The following KIF5A variants were observed in gnomAD, a reference collection of about 807,000 sequenced individuals.
KIF5A encodes the protein kinesin family member 5A, also known as kinesin heavy chain isoform 5A.
Under a neutral mutation model 141.3 loss-of-function variants are expected in KIF5A, and 35 were observed. That is an observed-to-expected ratio of 0.25 (90% CI 0.19 to 0.33). KIF5A has a LOEUF of 0.33. Among genes scored for constraint, KIF5A ranks in the 10% least tolerant of loss-of-function variants. KIF5A has a pLI of 1.00. For missense variants in KIF5A, 861 were observed against 1,314.3 expected, an observed-to-expected ratio of 0.66 and a Z score of 5.33; for synonymous variants, 448 against 500.2, an observed-to-expected ratio of 0.90 and a Z score of 1.39.
chr12:57,557,542 G>A (rs1223803038), intron 1 of KIF5A, among the ~76,000 whole-genome samples: 1 of 151,838 alleles, frequency 6.6e-6, no homozygotes, highest in African/African-American at 2.4e-5. Flanking sequence ...ATAATAATTT[G>A]ATGTATTTTT....
chr12:57,567,642 G>A, intron 8 of KIF5A, 24 bp downstream of exon 8: 2 of 1,603,868 alleles, frequency 1.2e-6, no homozygotes, highest in Non-Finnish European at 1.7e-6. Context: ...TGGATATGGG[G>A]TGGGTGGAAG....
chr12:57,563,720 G>A (rs757817407), intron 3 of KIF5A, 27 bp downstream of exon 3: 1 of 1,590,920 alleles, frequency 6.3e-7, no homozygotes, highest in South Asian at 1.1e-5. Context: ...TGGTGGTTGA[G>A]GGGCTAGGAG....
intron 1 of KIF5A, among the ~76,000 whole-genome samples, chr12:57,559,233 G>A (rs762924748): frequency 4.6e-5 from 7 of 152,124 alleles, no homozygotes; most frequent in South Asian, 2.1e-4. Context: ...TAAATTTTTC[G>A]AAGTGGAGGT....
chr12:57,553,839 GAGA>G (rs1272606703), intron 1 of KIF5A, among the ~76,000 whole-genome samples: 1 of 152,188 alleles, frequency 6.6e-6, no homozygotes, highest in African/African-American at 2.4e-5. Context: ...AGGCCCTTCA[GAGA>G]AGGCTATAAG....
At chr12:57,575,352 A>G in intron 16 of KIF5A, 80 bp downstream of exon 16, 5 of 1,403,318 alleles carry the variant, frequency 3.6e-6, no homozygotes, top group Non-Finnish European at 5.0e-6. Context: ...AACTCCTAAC[A>G]CCCACCTTTA....
rs1002863375 is a variant in KIF5A at position 57,572,225 on chromosome 12, C to A, written c.1527C>A (p.Ser509Arg). The change falls in exon 14 of 29, where the codon AGC becomes AGA. Residue 509 changes from serine to arginine, a missense_variant. Transcript: ENST00000455537. This position sits in a 1 kb window ranked among gnomAD's most constrained non-coding sequence, Gnocchi z 4.2. Reference protein sequence around the residue: ...DQKSQEVEEKSQQNQLLVDEL... With the variant: ...DQKSQEVEEKRQQNQLLVDEL... ...AGTCCCAGGAGGTGGAGGAGAAGAG[C>A]CAGCAGAACCAGCTTCTGGTGGATG... The A allele has an allele frequency of 6.2e-7, 1 of 1,608,934 alleles. No individual in the cohort carries two copies. Among genetic ancestry groups the A allele is most frequent in the Non-Finnish European group, 8.5e-7 (1 of 1,177,558 alleles).
intron 1 of KIF5A, among the ~76,000 whole-genome samples, chr12:57,561,162 C>G (rs1881899451): frequency 6.6e-6 from 1 of 152,062 alleles, no homozygotes; most frequent in Non-Finnish European, 1.5e-5. Flanking sequence ...ATCTCAGCCT[C>G]CTGAGTAGCT....
At chr12:57,555,371 GA>G (rs904775847) in intron 1 of KIF5A, among the ~76,000 whole-genome samples, 33 of 150,676 alleles carry the variant, frequency 2.2e-4, no homozygotes, top group Admixed American at 2.2e-3. Context: ...GAGCAGTAAT[GA>G]AAAAAAAATC....
chr12:57,554,471 C>G (rs1793796417), intron 1 of KIF5A, among the ~76,000 whole-genome samples: 1 of 152,190 alleles, frequency 6.6e-6, no homozygotes, highest in Non-Finnish European at 1.5e-5. Flanking sequence ...GTGGGTAACA[C>G]TTTTCCTTTT....
rs555396473 is a variant in KIF5A at position 57,572,889 on chromosome 12, A to G, written c.1716+163A>G. ...ACAGGTAGAGGCTTGTATAGACCCA[A>G]TTGAAAAGATACATTCTAGGTTGGG... On this transcript the variant is annotated intron_variant, in intron 15 of 28. Transcript: ENST00000455537. The surrounding 1 kb of genome is among the most constrained non-coding windows in gnomAD (Gnocchi z 4.2). 3.3e-5 allele frequency among the ~76,000 whole-genome samples: 5 copies of G among 152,268 alleles called. No homozygotes were observed. The highest frequency in any genetic ancestry group is 2.1e-4 in the South Asian group (1 of 4,816).
At position 57,584,434 on chromosome 12, in the gene KIF5A, T is replaced by C. The variant is rs2140173912; in HGVS notation, c.*253T>C. ...GTATCTACTGATGTATTTAGCAATTTCAAAGCATAGTCTACCTTCCTTATT... is the reference window on the plus strand; with the variant it reads ...GTATCTACTGATGTATTTAGCAATTCCAAAGCATAGTCTACCTTCCTTATT... On this transcript the variant is annotated 3_prime_UTR_variant, in exon 29 of 29. Transcript: ENST00000455537. The C allele has an allele frequency of 1.3e-5, 2 of 152,778 alleles. No individual in the cohort carries two copies. Among genetic ancestry groups the C allele is most frequent in the South Asian group, 4.1e-4 (2 of 4,830 alleles). 9.5% of individuals were successfully genotyped at this position (152,778 alleles called of 1,614,324 possible).
intron 16 of KIF5A, 127 bp from the exon 17 acceptor site, chr12:57,575,513 C>A (rs1325925989): frequency 5.1e-5 from 48 of 934,736 alleles, no homozygotes; most frequent in South Asian, 1.2e-4. Flanking sequence ...TGGCCCCCAA[C>A]CCTGCACCCT....
intron 20 of KIF5A, among the ~76,000 whole-genome samples, chr12:57,577,379 G>A (rs1882459957): frequency 6.6e-6 from 1 of 152,186 alleles, no homozygotes; most frequent in Non-Finnish European, 1.5e-5. Context: ...TGGACTGCTT[G>A]AGCTCAGTAG....
At position 57,562,896 on chromosome 12, in the gene KIF5A, G is replaced by A. The variant is rs1021670442; in HGVS notation, c.130-543G>A. On this transcript the variant is annotated intron_variant, in intron 1 of 28. Coordinates refer to ENST00000455537, the MANE Select transcript of KIF5A (RefSeq NM_004984.4). ...GTGGAGTGCTCAATCATCACACCACGACTAAGATCCCCTAACACAATCTCA... is the reference window on the plus strand; with the variant it reads ...GTGGAGTGCTCAATCATCACACCACAACTAAGATCCCCTAACACAATCTCA... Among the ~76,000 whole-genome samples, 7 of 152,002 alleles carry A rather than the reference G, an allele frequency of 4.6e-5. No individual in the cohort carries two copies. In the South Asian group the frequency reaches 8.3e-4, roughly 18 times the overall value.
At chr12:57,554,091 AG>A (rs1262714849) in intron 1 of KIF5A, among the ~76,000 whole-genome samples, 2 of 151,730 alleles carry the variant, frequency 1.3e-5, no homozygotes, top group African/African-American at 2.4e-5. Flanking sequence ...AAATGTGAGG[AG>A]GGGGGATATG....
intron 21 of KIF5A, 42 bp downstream of exon 21, chr12:57,577,815 G>C: frequency 6.6e-7 from 1 of 1,518,156 alleles, no homozygotes. Context: ...GGACTGGGGA[G>C]TGGGGAGGCT....
chr12:57,561,120 AC>A (rs1881898258), intron 1 of KIF5A, among the ~76,000 whole-genome samples: 1 of 152,052 alleles, frequency 6.6e-6, no homozygotes, highest in Non-Finnish European at 1.5e-5. Context: ...GCTCACTGCA[AC>A]CTCTGCCTTT....
intron 1 of KIF5A, among the ~76,000 whole-genome samples, chr12:57,551,341 G>A (rs1206097687): frequency 6.6e-6 from 1 of 152,186 alleles, no homozygotes; most frequent in African/African-American, 2.4e-5. Flanking sequence ...CAAAGAACTT[G>A]AATAACTTTC....
In KIF5A at chr12:57,579,502, CT is replaced by C. The variant is rs577843320; in HGVS notation, c.2538+1170del. ...CAGCTTATATAGTAAATATTCAGTA[CT>C]TTTTTTTTTCTTAATGAATCCTAAA... is the stretch of plus-strand genomic sequence containing the variant. On this transcript the variant is annotated intron_variant, in intron 23 of 28. Coordinates refer to ENST00000455537, the MANE Select transcript of KIF5A (RefSeq NM_004984.4). 5.6e-3 allele frequency among the ~76,000 whole-genome samples: 838 copies of C among 150,338 alleles called. 4 individuals carry two copies. The highest frequency in any genetic ancestry group is 0.018 in the African/African-American group (733 of 40,948).
Sources: gnomAD v4.1 joint callset for allele counts (sites outside exome capture counted in the v4.1 genomes callset) on GRCh38, gnomAD v4.1.1 for gene constraint, Gnocchi (gnomAD v3.1) non-coding constraint, MANE v1.5 for transcripts, NCBI Gene and HGNC (gene_info 2026-07-23, HGNC 2026-07-21) for gene names.